The following NSRP1 variants were observed in gnomAD, a reference collection of about 807,000 sequenced individuals.
NSRP1 encodes the protein nuclear speckle splicing regulatory protein 1, also known as coiled-coil domain containing 55.
NSRP1 carries 24 observed loss-of-function variants against 54.7 expected under a neutral mutation model. The ratio of observed to expected loss-of-function variants is 0.44; its 90% CI spans 0.32 to 0.62. The LOEUF (loss-of-function observed/expected upper bound fraction) is 0.62. Among genes scored for constraint, NSRP1 ranks in the 20% least tolerant of loss-of-function variants. The pLI, the probability that NSRP1 is intolerant of heterozygous loss-of-function variation, is 0.06. For synonymous variants in NSRP1, 210 were observed against 213.8 expected (o/e 0.98, Z 0.15); for missense variants, 596 against 651.2 (o/e 0.92, Z 0.92).
chr17:30,156,412 T>C (rs1272105074), intron 2 of NSRP1: 1 of 151,484 alleles, frequency 6.6e-6, no homozygotes, highest in East Asian at 2.0e-4. Flanking sequence ...TTTTAGTTCA[T>C]ACATATGGGT....
At chr17:30,130,287 CAG>C (rs2071688245) in intron 2 of NSRP1, among the ~76,000 whole-genome samples, 1 of 151,862 alleles carries the variant, frequency 6.6e-6, no homozygotes, top group Non-Finnish European at 1.5e-5. Context: ...TTTGTTGAGA[CAG>C]AGTCTCACTA....
intron 2 of NSRP1, among the ~76,000 whole-genome samples, chr17:30,137,510 A>C (rs557680736): frequency 6.6e-6 from 1 of 152,354 alleles, no homozygotes; most frequent in African/African-American, 2.4e-5. Context: ...CTTCAGCTTC[A>C]GTCCTAGAAT....
intron 2 of NSRP1, among the ~76,000 whole-genome samples, chr17:30,171,934 TCACACACACACACACACACA>T (rs746244255): frequency 8.8e-6 from 1 of 113,346 alleles, no homozygotes; most frequent in African/African-American, 3.4e-5. Context: ...TCCCCATTTC[TCACACACACACACACACACA>T]CACACACACA....
rs558703884 is a variant in NSRP1 at position 30,178,278 on chromosome 17, A to T, written c.300+79A>T. 4 of 1,499,246 alleles carry T rather than the reference A, an allele frequency of 2.7e-6. No individual in the cohort carries two copies. The South Asian group carries it at 4.1e-5, about 15-fold the overall frequency. The allele number at this position is 1,499,246 out of a possible 1,614,324, so 92.9% of individuals were successfully genotyped here. On this transcript the variant is annotated intron_variant, in intron 4 of 6. Transcript: ENST00000247026. ...TTAATCTTATTTTAACATGAGAATG[A>T]TCTGAGAAAAAGCTTTTAGGTATGT...
intron 2 of NSRP1, among the ~76,000 whole-genome samples, chr17:30,148,958 C>A (rs1450357656): frequency 6.6e-6 from 1 of 152,012 alleles, no homozygotes; most frequent in Non-Finnish European, 1.5e-5. Context: ...TTGATTTATT[C>A]TCTAATTTCT....
At chr17:30,151,304 G>A (rs964021135) in intron 2 of NSRP1, among the ~76,000 whole-genome samples, 2 of 152,050 alleles carry the variant, frequency 1.3e-5, no homozygotes, top group South Asian at 4.2e-4. Flanking sequence ...CGATAGGGGG[G>A]TTAGAGCTAC....
intron 2 of NSRP1, among the ~76,000 whole-genome samples, chr17:30,131,872 A>G (rs1463488758): frequency 2.6e-5 from 4 of 152,206 alleles, no homozygotes; most frequent in Admixed American, 6.5e-5. Context: ...TGTTTTATCA[A>G]CTAAGTTTAT....
chr17:30,165,787 C>T (rs56326816), intron 2 of NSRP1, among the ~76,000 whole-genome samples: 57,911 of 152,004 alleles, frequency 0.38, 13,521 homozygotes, highest in East Asian at 0.82. Context: ...TATGGACATA[C>T]TGAATATAAA....
At chr17:30,166,327 G>A (rs369362806) in intron 2 of NSRP1, among the ~76,000 whole-genome samples, 3 of 152,242 alleles carry the variant, frequency 2.0e-5, no homozygotes, top group East Asian at 3.9e-4. Context: ...TATAAGTTTT[G>A]TTTTATTCAC....
At chr17:30,174,152 T>G (rs1905048586) in intron 3 of NSRP1, among the ~76,000 whole-genome samples, 1 of 152,198 alleles carries the variant, frequency 6.6e-6, no homozygotes, top group Non-Finnish European at 1.5e-5. Flanking sequence ...AACATTTTTG[T>G]GCTGCCTTTT....
chr17:30,171,972 A>ACACACACTCTCT (rs1169988659), intron 2 of NSRP1, among the ~76,000 whole-genome samples: 1 of 46,586 alleles, frequency 2.1e-5, no homozygotes, highest in African/African-American at 6.2e-5. Flanking sequence ...ACACACACAC[A>ACACACACTCTCT]CTCCCTCTCT....
chr17:30,174,719 GATACTGCTTCATGACC>G (rs1369092163), intron 3 of NSRP1, among the ~76,000 whole-genome samples: 1 of 152,176 alleles, frequency 6.6e-6, no homozygotes, highest in African/African-American at 2.4e-5. Context: ...ATACAAAAAG[GATACTGCTTCATGACC>G]ATGTTGGTTT....
intron 2 of NSRP1, among the ~76,000 whole-genome samples, chr17:30,131,581 TTTATGC>T (rs1333997694): frequency 1.3e-5 from 2 of 152,340 alleles, no homozygotes; most frequent in Admixed American, 1.3e-4. Context: ...TTTAAAATAC[TTTATGC>T]TAAAAAATGC....
intron 2 of NSRP1, among the ~76,000 whole-genome samples, chr17:30,146,492 G>C (rs980277322): frequency 2.0e-5 from 3 of 152,200 alleles, no homozygotes; most frequent in Admixed American, 6.5e-5. Flanking sequence ...GCCTCCCAAA[G>C]TGTTGGGATT....
chr17:30,119,268 T>G (rs2071575449), intron 2 of NSRP1, among the ~76,000 whole-genome samples: 1 of 151,976 alleles, frequency 6.6e-6, no homozygotes, highest in African/African-American at 2.4e-5. Flanking sequence ...TTTTATTTTT[T>G]TATTTTTTTG....
chr17:30,149,403 C>A (rs1230706854), intron 2 of NSRP1, among the ~76,000 whole-genome samples: 1 of 152,138 alleles, frequency 6.6e-6, no homozygotes, highest in East Asian at 1.9e-4. Context: ...ATAAGATTAT[C>A]TGATGTTTAT....
At chr17:30,136,282 T>C (rs538591721) in intron 2 of NSRP1, among the ~76,000 whole-genome samples, 1 of 152,350 alleles carries the variant, frequency 6.6e-6, no homozygotes, top group South Asian at 2.1e-4. Context: ...TCCATAAATA[T>C]GTAGATTTGT....
intron 2 of NSRP1, among the ~76,000 whole-genome samples, chr17:30,147,443 T>G (rs936614237): frequency 5.3e-5 from 8 of 151,364 alleles, no homozygotes; most frequent in South Asian, 4.2e-4. Context: ...CTTTTGTTTG[T>G]TTGGTTGGTT....
chr17:30,129,378 T>C (rs2071679936), intron 2 of NSRP1, among the ~76,000 whole-genome samples: 1 of 151,862 alleles, frequency 6.6e-6, no homozygotes, highest in African/African-American at 2.4e-5. Flanking sequence ...CATATTATTA[T>C]TTTGTTATAA....
Sources: gnomAD v4.1 joint callset for allele counts (sites outside exome capture counted in the v4.1 genomes callset) on GRCh38, gnomAD v4.1.1 for gene constraint, MANE v1.5 for transcripts, NCBI Gene and HGNC (gene_info 2026-07-23, HGNC 2026-07-21) for gene names.